Variants in PPP1R12B observed in about 807,000 individuals in gnomAD.
The protein encoded by PPP1R12B is protein phosphatase 1 regulatory subunit 12B, also known as myosin phosphatase target subunit 2.
PPP1R12B carries 76 observed loss-of-function variants against 126.1 expected under a neutral mutation model. The observed-to-expected ratio is 0.60, with a 90% CI of 0.50 to 0.73. The LOEUF (loss-of-function observed/expected upper bound fraction) is 0.73. Ranked by LOEUF, PPP1R12B falls within the 30% of genes least tolerant of loss-of-function variation. PPP1R12B has a pLI of 0.00. For synonymous variants in PPP1R12B, 356 were observed against 434.7 expected (o/e 0.82, Z 2.25); for missense variants, 1,052 against 1,205.1 (o/e 0.87, Z 1.88).
chr1:202,427,676 G>A (rs1432318017), intron 5 of PPP1R12B, among the ~76,000 whole-genome samples: 2 of 152,006 alleles, frequency 1.3e-5, no homozygotes, highest in Non-Finnish European at 2.9e-5. Flanking sequence ...ACAGAGTCTC[G>A]CTCTGTTGCC....
chr1:202,434,854 G>A (rs1670600406), intron 9 of PPP1R12B, 86 bp downstream of exon 9: 11 of 1,550,740 alleles, frequency 7.1e-6, no homozygotes, highest in Non-Finnish European at 9.5e-6. Flanking sequence ...GTACATTCTT[G>A]CAAAATAATA....
chr1:202,486,226 A>T (rs539488503), intron 13 of PPP1R12B, among the ~76,000 whole-genome samples: 1 of 152,118 alleles, frequency 6.6e-6, no homozygotes, highest in East Asian at 1.9e-4. Flanking sequence ...TTTAATTTTT[A>T]AATTTTAATT....
chr1:202,399,649 G>A (rs1289313011), intron 1 of PPP1R12B, among the ~76,000 whole-genome samples: 1 of 151,716 alleles, frequency 6.6e-6, no homozygotes, highest in Admixed American at 6.6e-5. Context: ...GGTACCCACC[G>A]CCATGCTTGG....
chr1:202,415,788 A>C (rs899427025), intron 1 of PPP1R12B, among the ~76,000 whole-genome samples: 1 of 152,208 alleles, frequency 6.6e-6, no homozygotes, highest in Non-Finnish European at 1.5e-5. Flanking sequence ...TAGTGTTTGA[A>C]GCCATTCAGA....
At chr1:202,568,546 A>T (rs1387566706) in intron 22 of PPP1R12B, among the ~76,000 whole-genome samples, 1 of 152,116 alleles carries the variant, frequency 6.6e-6, no homozygotes, top group Non-Finnish European at 1.5e-5. Flanking sequence ...CTGTAACCAA[A>T]CTTCCTTGGT....
rs1026661863 is a variant in PPP1R12B, at chr1:202,437,788, A to G, written c.1255-33A>G. On this transcript the variant is annotated intron_variant, in intron 9 of 23. Transcript: ENST00000608999. ...CTGAGAAAGAATCATCAGAGCCTTT[A>G]TTTTTCATTTCTTTTATTTGCTTCT... 4 of 1,556,614 alleles carry G rather than the reference A, an allele frequency of 2.6e-6. No homozygotes were observed. In the African/African-American group the frequency reaches 5.5e-5, roughly 21 times the overall value.
At chr1:202,469,969 G>A (rs1318471045) in intron 13 of PPP1R12B, among the ~76,000 whole-genome samples, 1 of 152,140 alleles carries the variant, frequency 6.6e-6, no homozygotes, top group Non-Finnish European at 1.5e-5. Context: ...TTAAAGATGG[G>A]TTAGATTTCA....
intron 13 of PPP1R12B, among the ~76,000 whole-genome samples, chr1:202,476,170 A>C (rs910095739): frequency 6.8e-6 from 1 of 147,982 alleles, no homozygotes; most frequent in Non-Finnish European, 1.5e-5. Flanking sequence ...GTGCCACTGC[A>C]CTCCAGCTTG....
At chr1:202,360,903 T>C (rs1571573749) in intron 1 of PPP1R12B, among the ~76,000 whole-genome samples, 1 of 151,086 alleles carries the variant, frequency 6.6e-6, no homozygotes, top group East Asian at 2.0e-4. Context: ...TTTTTTTTTT[T>C]TTTTTGAGAC....
intron 13 of PPP1R12B, among the ~76,000 whole-genome samples, chr1:202,450,323 C>T: frequency 6.6e-6 from 1 of 152,168 alleles, no homozygotes; most frequent in East Asian, 1.9e-4. Flanking sequence ...TGTGAATTGA[C>T]ATAGAAGAGA....
intron 1 of PPP1R12B, among the ~76,000 whole-genome samples, chr1:202,374,810 C>T (rs1660897751): frequency 6.6e-6 from 1 of 152,172 alleles, no homozygotes; most frequent in South Asian, 2.1e-4. Context: ...TCCCAAAGTG[C>T]TAGGATTACA....
At chr1:202,389,413 G>C (rs757391798) in intron 1 of PPP1R12B, among the ~76,000 whole-genome samples, 1 of 152,124 alleles carries the variant, frequency 6.6e-6, no homozygotes, top group Admixed American at 6.5e-5. Context: ...GGGAGGCTGA[G>C]GCGGGTGGAT....
In PPP1R12B at chr1:202,572,698, A is replaced by G. The variant is rs1306173611; in HGVS notation, c.2862+3501A>G. On this transcript the variant is annotated intron_variant, in intron 23 of 23. Transcript: ENST00000608999. ...TCCACTCAGCATCAGCCTCCTTGTC[A>G]GACCTTCTCCCCTTCCTTTCCTAGG... Among the ~76,000 whole-genome samples the G allele has an allele frequency of 2.0e-5, 3 of 152,304 alleles. No homozygotes were observed. The South Asian group carries it at 6.2e-4, about 32-fold the overall frequency.
At chr1:202,547,638 A>G (rs1163008156) in intron 18 of PPP1R12B, among the ~76,000 whole-genome samples, 1 of 152,232 alleles carries the variant, frequency 6.6e-6, no homozygotes, top group East Asian at 1.9e-4. Flanking sequence ...AGATGAGAGT[A>G]TATTATAGCA....
At chr1:202,387,906 A>G (rs890325958) in intron 1 of PPP1R12B, among the ~76,000 whole-genome samples, 11 of 152,322 alleles carry the variant, frequency 7.2e-5, no homozygotes, top group African/African-American at 2.6e-4. Context: ...GTAAGAATAT[A>G]TGCAAATTAG....
intron 1 of PPP1R12B, among the ~76,000 whole-genome samples, chr1:202,359,356 C>T (rs1214487174): frequency 6.6e-6 from 1 of 151,990 alleles, no homozygotes; most frequent in Non-Finnish European, 1.5e-5. Context: ...CTCAAATGAA[C>T]TCCTGACCTC....
At chr1:202,510,831 T>C (rs1306614379) in intron 18 of PPP1R12B, among the ~76,000 whole-genome samples, 1 of 148,970 alleles carries the variant, frequency 6.7e-6, no homozygotes, top group African/African-American at 2.4e-5. Context: ...TTATAGATAT[T>C]GGAGTTATCC....
intron 23 of PPP1R12B, among the ~76,000 whole-genome samples, chr1:202,572,744 A>C (rs1688728519): frequency 6.6e-6 from 1 of 152,352 alleles, no homozygotes; most frequent in African/African-American, 2.4e-5. Flanking sequence ...AGAGGGACCC[A>C]GCAACCAATT....
chr1:202,462,796 G>A (rs1197152334), intron 13 of PPP1R12B: 2 of 985,270 alleles, frequency 2.0e-6, no homozygotes, highest in Non-Finnish European at 2.4e-6. Context: ...AGGACAGTCA[G>A]AGGAGTGGCC....
Sources: gnomAD v4.1 joint callset for allele counts (sites outside exome capture counted in the v4.1 genomes callset) on GRCh38, gnomAD v4.1.1 for gene constraint, MANE v1.5 for transcripts, NCBI Gene and HGNC (gene_info 2026-07-23, HGNC 2026-07-21) for gene names.